Variants in ELN observed in about 807,000 individuals in gnomAD.
ELN encodes elastin.
A neutral mutation model predicts 105.8 loss-of-function variants in ELN; 65 were observed. The ratio of observed to expected loss-of-function variants is 0.61; its 90% CI spans 0.50 to 0.75. The LOEUF is 0.75. Ranked by LOEUF, ELN falls within the 30% of genes least tolerant of loss-of-function variation. ELN has a pLI of 0.00. For synonymous variants in ELN, 368 were observed against 389.2 expected (o/e 0.95, Z 0.64); for missense variants, 882 against 969.4 (o/e 0.91, Z 1.20).
At chr7:74,059,211 A>G (rs1408742099) in intron 22 of ELN, among the ~76,000 whole-genome samples, 2 of 152,172 alleles carry the variant, frequency 1.3e-5, no homozygotes, top group Non-Finnish European at 2.9e-5. Context: ...TTCCCATTTT[A>G]CAGATGTGGA....
rs201012726 is a variant in ELN at position 74,047,690 on chromosome 7, C to T, written c.659C>T (p.Pro220Leu). Residue 220 changes from proline to leucine, a missense_variant, in exon 13 of 33, where the codon CCC becomes CTC. Physicochemically the swap from Pro to Leu is moderately conservative, Grantham distance 98 (BLOSUM62 -3). Transcript: ENST00000252034. ...APKLPGGYGL[P>L]YTTGKLPYGY... ...CTCTCTCCAGGTGGCTATGGACTGC[C>T]CTACACCACAGGGAAACTGCCCTAT... The T allele has an allele frequency of 5.0e-5, 80 of 1,614,018 alleles. No individual in the cohort carries two copies. Among genetic ancestry groups the T allele is most frequent in the Non-Finnish European group, 6.6e-5 (78 of 1,180,012 alleles).
chr7:74,059,690 A>C lies in ELN; in HGVS notation c.1415-196A>C, dbSNP rs528026199. On this transcript the variant is annotated intron_variant, in intron 22 of 32. Coordinates refer to ENST00000252034, the MANE Select transcript of ELN (RefSeq NM_000501.4). ...TAGAGTGAGACTCTGTCTCCAAAAA[A>C]ACAAAGTTATGAACTCCTGAGCCTG... 299 of 661,572 alleles carry C rather than the reference A, an allele frequency of 4.5e-4. 2 individuals carry two copies. Among genetic ancestry groups the C allele is most frequent in the South Asian group, 4.1e-3 (239 of 58,252 alleles). 41.0% of individuals were successfully genotyped at this position (661,572 alleles called of 1,614,324 possible).
chr7:74,045,673 A>G, intron 10 of ELN: 1 of 353,338 alleles, frequency 2.8e-6, no homozygotes, highest in South Asian at 2.4e-5. Context: ...AGCCCAGGAG[A>G]TCAAGGTTGT....
Position 74,049,516 on chromosome 7 carries a change from T to C in ELN, c.799+960T>C, listed in dbSNP as rs116806775. ...ATTCCCCCATATACCCATTCATCCA[T>C]CCAACCATTCCTCCATGCATCCATC... is the stretch of plus-strand genomic sequence containing the variant. On this transcript the variant is annotated intron_variant, in intron 15 of 32. Transcript: ENST00000252034. Among the ~76,000 whole-genome samples the C allele has an allele frequency of 3.3e-3, 501 of 151,036 alleles. 2 individuals carry two copies. The highest frequency in any genetic ancestry group is 0.011 in the African/African-American group (468 of 41,068).
At chr7:74,043,679 C>T (rs1791782181) in intron 8 of ELN, 200 bp from the exon 9 acceptor site, 1 of 690,052 alleles carries the variant, frequency 1.4e-6, no homozygotes, top group Admixed American at 2.2e-5. Context: ...GAGATAAATC[C>T]ACACACCGAA....
Position 74,043,789 on chromosome 7 carries a change from G to C in ELN, c.428-90G>C, listed in dbSNP as rs1563789047. 6.5e-6 allele frequency: 10 copies of C among 1,545,428 alleles called. No individual in the cohort carries two copies. The East Asian group carries it at 9.2e-5, about 14-fold the overall frequency. ...TCGGGCACAGAGGCTGTGGGTTTGAGGGCCTTGGAGCTGCCTGGGTGGGAA... is the reference window on the plus strand; with the variant it reads ...TCGGGCACAGAGGCTGTGGGTTTGACGGCCTTGGAGCTGCCTGGGTGGGAA... On this transcript the variant is annotated intron_variant, in intron 8 of 32. Transcript: ENST00000252034.
At chr7:74,066,624 AG>A (rs2132700128) in intron 31 of ELN, 107 bp from the exon 32 acceptor site, 1 of 944,432 alleles carries the variant, frequency 1.1e-6, no homozygotes, top group Admixed American at 1.8e-5. Context: ...GATGGAGAGG[AG>A]GTGATCCCAG....
At chr7:74,030,422 C>A (rs1331098411) in intron 1 of ELN, among the ~76,000 whole-genome samples, 2 of 150,450 alleles carry the variant, frequency 1.3e-5, no homozygotes, top group Non-Finnish European at 2.9e-5. Flanking sequence ...GAGAAATTAA[C>A]CCAGGGATAA....
At chr7:74,038,656 C>T (rs945332748) in intron 4 of ELN, among the ~76,000 whole-genome samples, 3 of 152,214 alleles carry the variant, frequency 2.0e-5, no homozygotes, top group African/African-American at 4.8e-5. Flanking sequence ...CGGCATGAGA[C>T]GCTCCACATG....
chr7:74,057,264 A>G, intron 21 of ELN: 1 of 828,754 alleles, frequency 1.2e-6, no homozygotes, highest in South Asian at 2.6e-5. Flanking sequence ...AGAAAAAGAA[A>G]AAGAATTGAA....
At chr7:74,028,329 G>A (rs1787906328) in intron 1 of ELN, 60 bp downstream of exon 1, 1 of 1,550,874 alleles carries the variant, frequency 6.4e-7, no homozygotes, top group South Asian at 1.2e-5. Context: ...TTTGGGCCAG[G>A]TGACTAGACG....
At chr7:74,057,584 G>A (rs1583922510) in intron 21 of ELN, 56 bp from the exon 22 acceptor site, 1 of 1,610,606 alleles carries the variant, frequency 6.2e-7, no homozygotes. Flanking sequence ...CTAGAGATGG[G>A]AAGCAGGGAG....
intron 17 of ELN, chr7:74,052,386 C>T (rs1328481401): frequency 3.8e-6 from 1 of 260,280 alleles, no homozygotes; most frequent in Non-Finnish European, 7.5e-6. Flanking sequence ...AGTTTGAGAC[C>T]AGCCTGAGCA....
At chr7:74,028,379 T>C (rs1787914358) in intron 1 of ELN, 110 bp downstream of exon 1, 1 of 1,303,536 alleles carries the variant, frequency 7.7e-7, no homozygotes, top group Non-Finnish European at 1.1e-6. Flanking sequence ...CTGCAAGGGG[T>C]CCCAGGTGGG....
chr7:74,060,758 G>A (rs980046955), intron 25 of ELN, among the ~76,000 whole-genome samples: 2 of 152,224 alleles, frequency 1.3e-5, no homozygotes, highest in Non-Finnish European at 2.9e-5. Context: ...GAAAAAGCCT[G>A]CCCTCCAACC....
chr7:74,067,131 C>G (rs899265232), intron 32 of ELN, among the ~76,000 whole-genome samples: 1 of 152,082 alleles, frequency 6.6e-6, no homozygotes, highest in Admixed American at 6.5e-5. Flanking sequence ...ATTAAAAATA[C>G]TAAAATTAGC....
At chr7:74,052,839 G>A (rs1794377402) in intron 17 of ELN, 1 of 358,976 alleles carries the variant, frequency 2.8e-6, no homozygotes. Flanking sequence ...GAGGGAGGGA[G>A]AGAGAGAGAG....
chr7:74,046,823 C>T (rs1792664306), intron 12 of ELN, 56 bp downstream of exon 12: 2 of 1,594,024 alleles, frequency 1.3e-6, no homozygotes, highest in African/African-American at 2.7e-5. Context: ...GTGGTTCACA[C>T]CTGTAATCCC....
At position 74,057,564 on chromosome 7, in the gene ELN, A is replaced by G. The variant is rs570849989; in HGVS notation, c.1358-76A>G. ...TCGACTGCACCATTTTACAAATGGG[A>G]AGACTGAGCCTAGAGATGGGAAGCA... On this transcript the variant is annotated intron_variant, in intron 21 of 32. Transcript: ENST00000252034. 96 of 1,607,648 alleles carry G rather than the reference A, an allele frequency of 6.0e-5. No homozygotes were observed. The South Asian group carries it at 9.8e-4, about 16-fold the overall frequency.
Sources: allele counts gnomAD v4.1 joint callset (sites outside exome capture counted in the v4.1 genomes callset), GRCh38; gene constraint gnomAD v4.1.1; transcripts MANE v1.5; gene names NCBI Gene and HGNC (gene_info 2026-07-23, HGNC 2026-07-21).